Variants in ZFP91 observed in about 807,000 individuals in gnomAD.
ZFP91 encodes the protein E3 ubiquitin-protein ligase ZFP91.
ZFP91 carries 7 observed loss-of-function variants against 63.5 expected under a neutral mutation model. That is an observed-to-expected ratio of 0.11 (90% CI 0.06 to 0.21). The LOEUF is 0.21. Ranked by LOEUF, ZFP91 falls within the 10% of genes least tolerant of loss-of-function variation. The probability of loss-of-function intolerance (pLI) is 1.00; values close to 1 mark genes in which losing one functional copy is unlikely to be tolerated. For synonymous variants in ZFP91, 330 were observed against 272.1 expected, an observed-to-expected ratio of 1.21 and a Z score of -2.10; for missense variants, 628 against 736.6, an observed-to-expected ratio of 0.85 and a Z score of 1.71.
At chr11:58,608,369 A>C (rs1247313866) in intron 2 of ZFP91, among the ~76,000 whole-genome samples, 6 of 151,944 alleles carry the variant, frequency 3.9e-5, no homozygotes, top group African/African-American at 7.2e-5. Context: ...GTTGAACATC[A>C]TGTGGAAAGG....
Position 58,616,777 on chromosome 11 carries a change from A to G in ZFP91, c.1164A>G (p.Ala388=). 1 of 1,613,918 alleles carries G rather than the reference A, an allele frequency of 6.2e-7. No individual in the cohort carries two copies. The highest frequency in any genetic ancestry group is 8.5e-7 in the Non-Finnish European group (1 of 1,179,864). The change falls in exon 10 of 11, where the codon GCA becomes GCG. Residue 388 remains alanine (A), a synonymous_variant. Transcript: ENST00000316059. ...CCTTCAAGAGTTCCCACAATCTGGC[A>G]GTGCACCGGATGATTCACACTGGCG... is the stretch of plus-strand genomic sequence containing the variant. The part of the protein sequence containing the change: ...ARAFKSSHNL[A]VHRMIHTGEK...
chr11:58,608,844 C>T (rs1300799996), intron 2 of ZFP91, among the ~76,000 whole-genome samples: 1 of 152,174 alleles, frequency 6.6e-6, no homozygotes. Flanking sequence ...ACCTTTTGAT[C>T]TGCCCGCCTT....
At chr11:58,614,492 A>G (rs1475153912) in intron 9 of ZFP91, 149 bp downstream of exon 9, 5 of 576,576 alleles carry the variant, frequency 8.7e-6, no homozygotes, top group Admixed American at 3.5e-5. Context: ...TAGTAAGACA[A>G]ATTTTACAAG....
Position 58,618,448 on chromosome 11 carries a change from T to G in ZFP91, c.*742T>G. On this transcript the variant is annotated 3_prime_UTR_variant, in exon 11 of 11. Transcript: ENST00000316059. ...CTGCCCTCTACAGTCTCTTTGACTG[T>G]AAGACAGGGCTCTGTATCAGTGAGA... The G allele has an allele frequency of 2.9e-6, 1 of 348,632 alleles. No homozygotes were observed. Among genetic ancestry groups the G allele is most frequent in the Non-Finnish European group, 5.6e-6 (1 of 179,490 alleles). The allele number at this position is 348,632 out of a possible 1,614,324, so 21.6% of individuals were successfully genotyped here.
At position 58,619,854 on chromosome 11, in the gene ZFP91, T is replaced by C. The variant is rs1444331990; in HGVS notation, c.*2148T>C. On this transcript the variant is annotated 3_prime_UTR_variant, in exon 11 of 11. Transcript: ENST00000316059. Reference sequence around the variant, plus strand: ...TTGATTAGATGAATCTACAAAAAAGTTGTCCTCCTCTCAGGTCCCTTTTAC... The same window carrying C: ...TTGATTAGATGAATCTACAAAAAAGCTGTCCTCCTCTCAGGTCCCTTTTAC... 2 of 152,362 alleles carry C rather than the reference T, an allele frequency of 1.3e-5. No homozygotes were observed. Among genetic ancestry groups the C allele is most frequent in the African/African-American group, 4.8e-5 (2 of 41,468 alleles). 9.4% of individuals were successfully genotyped at this position (152,362 alleles called of 1,614,324 possible).
At position 58,611,039 on chromosome 11, in the gene ZFP91, A is replaced by C; in HGVS notation, c.707A>C (p.Lys236Thr). The change falls in exon 5 of 11, where the codon AAA becomes ACA. Residue 236 changes from lysine (K) to threonine (T), a missense_variant. This residue lies in a region of ZFP91 where 437 missense variants were observed against 380.3 expected (regional missense o/e 1.15). Transcript: ENST00000316059. ...GATGATCCAAGAGATGAGACCTACA[A>C]ACCCCACTTAGAAAGGCATGTCTCA... ...FKDDPRDETY[K>T]PHLERETPKP... 1 of 1,613,116 alleles carries C rather than the reference A, an allele frequency of 6.2e-7. No homozygotes were observed. The highest frequency in any genetic ancestry group is 1.1e-5 in the South Asian group (1 of 90,992).
At chr11:58,584,808 G>GA in intron 1 of ZFP91, 48 bp from the exon 2 acceptor site, 1 of 1,485,326 alleles carries the variant, frequency 6.7e-7, no homozygotes, top group Non-Finnish European at 9.0e-7. Context: ...TATATTTTCA[G>GA]AAAATGTGCT....
intron 2 of ZFP91, among the ~76,000 whole-genome samples, chr11:58,600,919 G>A (rs997056418): frequency 6.6e-6 from 1 of 151,972 alleles, no homozygotes; most frequent in African/African-American, 2.4e-5. Context: ...ATAATGGTGT[G>A]TTTTTTCCTC....
intron 7 of ZFP91, 38 bp from the exon 8 acceptor site, chr11:58,612,724 T>C: frequency 6.4e-7 from 1 of 1,563,592 alleles, no homozygotes; most frequent in Non-Finnish European, 8.7e-7. Flanking sequence ...TACCACTTTT[T>C]TTTTTTTGCT....
chr11:58,579,758 C>G, intron 1 of ZFP91, 136 bp downstream of exon 1: 2 of 829,092 alleles, frequency 2.4e-6, no homozygotes, highest in South Asian at 4.2e-5. Flanking sequence ...AGATGTCACA[C>G]CGTTTCCCCG....
intron 6 of ZFP91, 86 bp from the exon 7 acceptor site, chr11:58,612,192 T>C (rs1016588124): frequency 5.9e-6 from 4 of 675,408 alleles, no homozygotes; most frequent in Admixed American, 3.6e-5. Flanking sequence ...TCTTTGGCCG[T>C]GTGTGTGTGT....
intron 2 of ZFP91, among the ~76,000 whole-genome samples, chr11:58,600,743 A>C (rs1348450289): frequency 2.0e-5 from 3 of 152,166 alleles, no homozygotes; most frequent in Admixed American, 2.0e-4. Flanking sequence ...TGACCTTAGC[A>C]GGAGAGCTTT....
rs1234361510 is a variant in ZFP91, at chr11:58,583,519, A to G, written c.342-1337A>G. On this transcript the variant is annotated intron_variant, in intron 1 of 10. Transcript: ENST00000316059. ...GTAATATTCTGAATTGAAAAAACTT[A>G]CAGTTCTTTGGAGAAGCCTTCAGTT... Among the ~76,000 whole-genome samples, 3 of 143,474 alleles carry G rather than the reference A, an allele frequency of 2.1e-5. No homozygotes were observed. In the South Asian group the frequency reaches 6.2e-4, roughly 30 times the overall value. 94.1% of individuals were successfully genotyped at this position (143,474 alleles called of 152,430 possible).
rs1420885955 is a variant in ZFP91 at position 58,620,709 on chromosome 11, A to G, written c.*3003A>G. The G allele has an allele frequency of 6.6e-6, 1 of 152,568 alleles. No homozygotes were observed. The highest frequency in any genetic ancestry group is 1.5e-5 in the Non-Finnish European group (1 of 68,022). 9.5% of individuals were successfully genotyped at this position (152,568 alleles called of 1,614,324 possible). On this transcript the variant is annotated 3_prime_UTR_variant, in exon 11 of 11. Coordinates refer to ENST00000316059, the MANE Select transcript of ZFP91 (RefSeq NM_053023.5). ...TGAGTGTACTACCAATCTAACTAAG[A>G]TTATTATAGTCTGGTTGTTTGAAAT...
At chr11:58,584,585 T>TA (rs1855172626) in intron 1 of ZFP91, among the ~76,000 whole-genome samples, 1 of 152,166 alleles carries the variant, frequency 6.6e-6, no homozygotes, top group Non-Finnish European at 1.5e-5. Context: ...TGCTGTCAGT[T>TA]ATGTAGCCAC....
At chr11:58,606,292 C>T (rs895422997) in intron 2 of ZFP91, among the ~76,000 whole-genome samples, 6 of 152,192 alleles carry the variant, frequency 3.9e-5, no homozygotes, top group Admixed American at 3.9e-4. Context: ...GTCTCGAACT[C>T]CTGACCTCAG....
Position 58,616,732 on chromosome 11 carries a change from C to T in ZFP91, c.1119C>T (p.Ile373=). ...AKHHTDQRDY[I]CEYCARAFKS... is the part of the protein sequence containing the mutation. ...TCTTCATAGATCAAAGGGATTATAT[C>T]TGTGAATATTGTGCTCGGGCCTTCA... The change falls in exon 10 of 11, where the codon ATC becomes ATT. Residue 373 remains isoleucine, a synonymous_variant. Transcript: ENST00000316059. 1 of 1,613,554 alleles carries T rather than the reference C, an allele frequency of 6.2e-7. No individual in the cohort carries two copies. The highest frequency in any genetic ancestry group is 8.5e-7 in the Non-Finnish European group (1 of 1,179,670).
Position 58,610,990 on chromosome 11 carries a change from A to G in ZFP91, c.658A>G (p.Ser220Gly). Residue 220 changes from serine (S) to glycine (G), a missense_variant, in exon 5 of 11, where the codon AGT becomes GGT. Ser to Gly is a moderately conservative substitution (Grantham distance 56). Coordinates refer to ENST00000316059, the MANE Select transcript of ZFP91 (RefSeq NM_053023.5). ...GGAGGAGGAAGAAGAGATGTTAATCAGTGAAGAGGAGATACCATTCAAAGA... is the reference window on the plus strand; with the variant it reads ...GGAGGAGGAAGAAGAGATGTTAATCGGTGAAGAGGAGATACCATTCAAAGA... The part of the protein sequence containing the change: ...EEEEEEEMLI[S>G]EEEIPFKDDP... 4 of 1,613,162 alleles carry G rather than the reference A, an allele frequency of 2.5e-6. No individual in the cohort carries two copies. Among genetic ancestry groups the G allele is most frequent in the Non-Finnish European group, 2.5e-6 (3 of 1,179,678 alleles).
At chr11:58,610,660 T>C (rs77621497) in intron 4 of ZFP91, among the ~76,000 whole-genome samples, 6,733 of 152,308 alleles carry the variant, frequency 0.044, 217 homozygotes, top group Middle Eastern at 0.068. Context: ...TGTTAGTAGG[T>C]CTTTTAATAT....
Sources: gnomAD v4.1 joint callset for allele counts (sites outside exome capture counted in the v4.1 genomes callset) on GRCh38, gnomAD v4.1.1 for gene constraint, gnomAD v4.1.1 regional missense constraint, MANE v1.5 for transcripts, NCBI Gene and HGNC (gene_info 2026-07-23, HGNC 2026-07-21) for gene names.